DLGAP2: variants seen among roughly 807,000 people sequenced by gnomAD.
DLGAP2 encodes DLG associated protein 2, also known as disks large-associated protein 2.
In DLGAP2, 26 loss-of-function variants were observed where a neutral mutation model predicts 100.3. That is an observed-to-expected ratio of 0.26 (90% CI 0.19 to 0.36). The LOEUF (loss-of-function observed/expected upper bound fraction) is 0.36, where lower values mean the gene tolerates loss of function less well. DLGAP2 is among the 10% of genes least tolerant of loss of function. The pLI is 1.00. For missense variants in DLGAP2, 1,858 were observed against 1,453.2 expected (o/e 1.28, Z -4.53); for synonymous variants, 886 against 630.1 (o/e 1.41, Z -6.08).
chr8:1,243,926 C>T (rs1798851312), intron 2 of DLGAP2, among the ~76,000 whole-genome samples: 1 of 152,244 alleles, frequency 6.6e-6, no homozygotes, highest in Non-Finnish European at 1.5e-5. Context: ...CTGATCAAGT[C>T]CCTGCTGTGT....
chr8:1,068,184 A>G (rs892310271), intron 2 of DLGAP2, among the ~76,000 whole-genome samples: 6 of 152,102 alleles, frequency 3.9e-5, no homozygotes, highest in African/African-American at 1.2e-4. Context: ...CTGAATGCTC[A>G]TAGTTTATCT....
intron 2 of DLGAP2, among the ~76,000 whole-genome samples, chr8:976,857 C>T (rs56867554): frequency 0.026 from 3,932 of 152,162 alleles, 168 homozygotes; most frequent in African/African-American, 0.088. Context: ...GCATAAAATA[C>T]CTAGGTAACT....
intron 4 of DLGAP2, among the ~76,000 whole-genome samples, chr8:1,512,531 C>T (rs546768595): frequency 5.3e-5 from 8 of 152,134 alleles, no homozygotes; most frequent in African/African-American, 1.2e-4. Context: ...TCGGGTTGCA[C>T]GTGTGACTGA....
rs74829620 is a variant in DLGAP2 at position 839,485 on chromosome 8, T to C, written c.19-68427T>C. Among the ~76,000 whole-genome samples, 443 of 152,292 alleles carry C rather than the reference T, an allele frequency of 2.9e-3. 15 individuals carry two copies. The East Asian group carries it at 0.067, about 23-fold the overall frequency. ...AATAAGCCAGGCGCAGAAAGACAAA[T>C]GCCACCTGTGCTCACTTATATGTGG... On this transcript the variant is annotated intron_variant, in intron 1 of 14. Coordinates refer to ENST00000637795, the MANE Select transcript of DLGAP2 (RefSeq NM_001346810.2).
rs186446274 is a variant in DLGAP2, at chr8:1,357,204, A to T, written c.106+98321A>T. Among the ~76,000 whole-genome samples, 820 of 152,198 alleles carry T rather than the reference A, an allele frequency of 5.4e-3. 10 individuals are homozygous for T. Among genetic ancestry groups the T allele is most frequent in the African/African-American group, 0.018 (737 of 41,534 alleles). ...GGGGATCTCAGTCGCAAGGGTGCTC[A>T]GGTGGCCTTGGTGCAGACACTCACA... On this transcript the variant is annotated intron_variant, in intron 3 of 14. Transcript: ENST00000637795.
intron 1 of DLGAP2, among the ~76,000 whole-genome samples, chr8:755,502 G>A (rs1481085151): frequency 6.6e-6 from 1 of 152,194 alleles, no homozygotes; most frequent in Non-Finnish European, 1.5e-5. Flanking sequence ...TGCTAAACAT[G>A]TTTTTAATAA....
chr8:1,595,696 T>G (rs890846644), intron 6 of DLGAP2, among the ~76,000 whole-genome samples: 3 of 127,076 alleles, frequency 2.4e-5, no homozygotes, highest in Non-Finnish European at 3.4e-5. Flanking sequence ...AAAAAAGAAA[T>G]AGGTCATTCC....
chr8:769,284 T>G (rs1821296089), intron 1 of DLGAP2, among the ~76,000 whole-genome samples: 1 of 151,950 alleles, frequency 6.6e-6, no homozygotes, highest in Non-Finnish European at 1.5e-5. Flanking sequence ...AGGGAAGAAG[T>G]ATTGTTCTCT....
intron 4 of DLGAP2, among the ~76,000 whole-genome samples, chr8:1,520,719 T>C (rs561781267): frequency 6.6e-6 from 1 of 152,364 alleles, no homozygotes; most frequent in East Asian, 1.9e-4. Context: ...CATTTCATTT[T>C]AGCACTGAAT....
intron 3 of DLGAP2, among the ~76,000 whole-genome samples, chr8:1,377,575 C>G (rs1021971813): frequency 3.9e-5 from 6 of 152,164 alleles, no homozygotes; most frequent in African/African-American, 1.2e-4. Context: ...TAAAGATGCA[C>G]AGGTCTTCAT....
At chr8:1,502,986 G>C (rs983059710) in intron 4 of DLGAP2, among the ~76,000 whole-genome samples, 1 of 152,124 alleles carries the variant, frequency 6.6e-6, no homozygotes, top group African/African-American at 2.4e-5. Context: ...GTCACTCTGG[G>C]GAGGCCAGCT....
chr8:1,588,084 G>T (rs563016057), intron 6 of DLGAP2, among the ~76,000 whole-genome samples: 1 of 152,178 alleles, frequency 6.6e-6, no homozygotes, highest in African/African-American at 2.4e-5. Context: ...ACATTCGCAC[G>T]ATGAAGAGTG....
chr8:1,458,511 G>A (rs1798382836), intron 3 of DLGAP2, among the ~76,000 whole-genome samples: 1 of 152,196 alleles, frequency 6.6e-6, no homozygotes, highest in African/African-American at 2.4e-5. Context: ...TATTTAGACA[G>A]GCATTGTTAC....
intron 6 of DLGAP2, among the ~76,000 whole-genome samples, chr8:1,605,936 C>T (rs998861367): frequency 4.6e-5 from 7 of 152,206 alleles, no homozygotes; most frequent in Admixed American, 2.6e-4. Context: ...TGCTGTAGAA[C>T]GTGTCACCTC....
chr8:882,169 C>A (rs1797813808), intron 1 of DLGAP2, among the ~76,000 whole-genome samples: 1 of 152,246 alleles, frequency 6.6e-6, no homozygotes, highest in Admixed American at 6.5e-5. Flanking sequence ...AGACGTGAGA[C>A]CCAGCTGAGG....
At position 1,446,492 on chromosome 8, in the gene DLGAP2, T is replaced by C. The variant is rs1343579709; in HGVS notation, c.107-54874T>C. The stretch of plus-strand genomic sequence containing the variant: ...CAGTACCATGCTGTTTTGGTTACTG[T>C]TGCCTTGTAGTATAGTTTGAAGTCA... On this transcript the variant is annotated intron_variant, in intron 3 of 14. Coordinates refer to ENST00000637795, the MANE Select transcript of DLGAP2 (RefSeq NM_001346810.2). 6.6e-5 allele frequency among the ~76,000 whole-genome samples: 10 copies of C among 152,200 alleles called. No homozygotes were observed. In the South Asian group the frequency reaches 1.7e-3, roughly 25 times the overall value.
chr8:1,299,376 A>T (rs930058571), intron 3 of DLGAP2, among the ~76,000 whole-genome samples: 6 of 152,202 alleles, frequency 3.9e-5, no homozygotes, highest in African/African-American at 1.4e-4. Context: ...CTGGAAACAG[A>T]TTCTCATGGC....
At chr8:1,203,415 C>T (rs571437323) in intron 2 of DLGAP2, among the ~76,000 whole-genome samples, 41 of 152,030 alleles carry the variant, frequency 2.7e-4, no homozygotes, top group Admixed American at 1.0e-3. Context: ...TGTTAGAACC[C>T]ATGAGACTGA....
intron 3 of DLGAP2, among the ~76,000 whole-genome samples, chr8:1,451,276 A>G (rs1374051737): frequency 4.6e-5 from 7 of 152,062 alleles, no homozygotes; most frequent in Admixed American, 2.6e-4. Context: ...TACACCACTA[A>G]AACTCAGCTG....
Sources: allele counts gnomAD v4.1 joint callset (sites outside exome capture counted in the v4.1 genomes callset), GRCh38; gene constraint gnomAD v4.1.1; transcripts MANE v1.5; gene names NCBI Gene and HGNC (gene_info 2026-07-23, HGNC 2026-07-21).